Variants in FHOD3 observed in about 807,000 individuals in gnomAD.
FHOD3 encodes formin homology 2 domain containing 3, also known as FH1/FH2 domain-containing protein 3.
FHOD3 carries 90 observed loss-of-function variants against 173.0 expected under a neutral mutation model. That is an observed-to-expected ratio of 0.52 (90% CI 0.44 to 0.62). The LOEUF (loss-of-function observed/expected upper bound fraction) is 0.62, where lower values mean the gene tolerates loss of function less well. Among genes scored for constraint, FHOD3 ranks in the 20% least tolerant of loss-of-function variants. The pLI, the probability that FHOD3 is intolerant of heterozygous loss-of-function variation, is 0.00. For synonymous variants in FHOD3, 828 were observed against 823.0 expected, an observed-to-expected ratio of 1.01 and a Z score of -0.10; for missense variants, 1,945 against 2,034.7, an observed-to-expected ratio of 0.96 and a Z score of 0.85.
In FHOD3 at chr18:36,694,748, C is replaced by A. The variant is rs535262977; in HGVS notation, c.2236+1325C>A. ...TAAACTGTGAAGTACAGAACAGCTC[C>A]GAGCTGAGAGGGAATTGACAGTGTC... On this transcript the variant is annotated intron_variant, in intron 17 of 28. Coordinates refer to ENST00000590592, the MANE Select transcript of FHOD3 (RefSeq NM_001281740.3). Among the ~76,000 whole-genome samples the A allele has an allele frequency of 2.0e-5, 3 of 152,140 alleles. No individual in the cohort carries two copies. The South Asian group carries it at 6.2e-4, about 32-fold the overall frequency.
chr18:36,767,605 C>T (rs1040180470), intron 27 of FHOD3, among the ~76,000 whole-genome samples: 2 of 152,184 alleles, frequency 1.3e-5, no homozygotes, highest in East Asian at 3.8e-4. Flanking sequence ...CAGACGTGAG[C>T]CACTGCACCC....
intron 20 of FHOD3, among the ~76,000 whole-genome samples, chr18:36,736,472 A>T (rs2041637448): frequency 6.6e-6 from 1 of 152,176 alleles, no homozygotes; most frequent in Non-Finnish European, 1.5e-5. Context: ...GTGAATACAG[A>T]GGGTTTCATT....
At chr18:36,593,235 G>C (rs1401626367) in intron 6 of FHOD3, among the ~76,000 whole-genome samples, 1 of 152,146 alleles carries the variant, frequency 6.6e-6, no homozygotes. Context: ...TAATCCCAGT[G>C]GTGGTGATGG....
chr18:36,694,070 C>G (rs989307329), intron 17 of FHOD3, among the ~76,000 whole-genome samples: 9 of 152,134 alleles, frequency 5.9e-5, no homozygotes, highest in Admixed American at 1.3e-4. Flanking sequence ...CAGCTGTTTT[C>G]CTGCCTGCTC....
intron 27 of FHOD3, among the ~76,000 whole-genome samples, chr18:36,765,776 T>C (rs1301920926): frequency 6.6e-6 from 1 of 152,036 alleles, no homozygotes; most frequent in Non-Finnish European, 1.5e-5. Context: ...AGAAAATGTA[T>C]AAACAGAAGC....
At chr18:36,478,651 A>C (rs1250304142) in intron 3 of FHOD3, among the ~76,000 whole-genome samples, 1 of 152,186 alleles carries the variant, frequency 6.6e-6, no homozygotes, top group Non-Finnish European at 1.5e-5. Flanking sequence ...TCCACATTGA[A>C]TGTAGCCAGA....
At chr18:36,577,138 T>C (rs1351666923) in intron 6 of FHOD3, among the ~76,000 whole-genome samples, 1 of 151,958 alleles carries the variant, frequency 6.6e-6, no homozygotes, top group Admixed American at 6.6e-5. Context: ...CTGTGAACCA[T>C]CTGTATTTCA....
At chr18:36,586,179 A>C (rs189933192) in intron 6 of FHOD3, among the ~76,000 whole-genome samples, 3 of 152,294 alleles carry the variant, frequency 2.0e-5, no homozygotes, top group Admixed American at 2.0e-4. Flanking sequence ...CATTTTCCCA[A>C]GGCTTAAGTT....
rs182036267 is a variant in FHOD3, at chr18:36,483,998, C to T, written c.338-17934C>T. Among the ~76,000 whole-genome samples the T allele has an allele frequency of 1.2e-4, 18 of 152,286 alleles. No homozygotes were observed. In the East Asian group the frequency reaches 2.7e-3, roughly 23 times the overall value. On this transcript the variant is annotated intron_variant, in intron 3 of 28. Coordinates refer to ENST00000590592, the MANE Select transcript of FHOD3 (RefSeq NM_001281740.3). ...ACCAACTGTGAGTCTGGTAGAAATG[C>T]GGAATCCCAGGCCCTACCCCAGATC...
At chr18:36,311,955 T>C (rs2092268191) in intron 1 of FHOD3, among the ~76,000 whole-genome samples, 2 of 152,218 alleles carry the variant, frequency 1.3e-5, no homozygotes, top group South Asian at 4.2e-4. Context: ...GTCCAGAAAG[T>C]CCCTCTTCCC....
chr18:36,579,512 A>G (rs1309928740), intron 6 of FHOD3, among the ~76,000 whole-genome samples: 1 of 152,176 alleles, frequency 6.6e-6, no homozygotes, highest in African/African-American at 2.4e-5. Context: ...GTGCCTCCCT[A>G]AATTTTTGTG....
At chr18:36,522,261 G>A (rs1385411403) in intron 5 of FHOD3, among the ~76,000 whole-genome samples, 1 of 152,188 alleles carries the variant, frequency 6.6e-6, no homozygotes, top group Non-Finnish European at 1.5e-5. Flanking sequence ...TATCTGCAGA[G>A]AAAGAGAAGT....
Position 36,755,191 on chromosome 18 carries a change from C to T in FHOD3, c.4305C>T (p.Cys1435=). The T allele has an allele frequency of 6.2e-7, 1 of 1,611,878 alleles. No homozygotes were observed. The highest frequency in any genetic ancestry group is 8.5e-7 in the Non-Finnish European group (1 of 1,179,134). ...GGGAAGTGAACATAAACAAATTCTG[C>T]AGGATTATTAGTGAATTTGCACTAG... ...AIREVNINKF[C]RIISEFALEY... Residue 1435 remains cysteine, a synonymous_variant, in exon 25 of 29, where the codon TGC becomes TGT. Coordinates refer to ENST00000590592, the MANE Select transcript of FHOD3 (RefSeq NM_001281740.3).
chr18:36,417,649 C>G (rs2049742165), intron 3 of FHOD3, among the ~76,000 whole-genome samples: 4 of 152,142 alleles, frequency 2.6e-5, no homozygotes, highest in Admixed American at 2.6e-4. Flanking sequence ...TTCATGAGAT[C>G]ATATACCTTA....
rs2051535292 is a variant in FHOD3, at chr18:36,447,162, G to T, written c.338-54770G>T. Among the ~76,000 whole-genome samples the T allele has an allele frequency of 3.9e-5, 6 of 152,206 alleles. No homozygotes were observed. In the South Asian group the frequency reaches 1.2e-3, roughly 32 times the overall value. ...TTCCTCAAACCACAACCTCCAGGAA[G>T]AGTTGAGGGAGGGCCCTAACTGCCT... On this transcript the variant is annotated intron_variant, in intron 3 of 28. Transcript: ENST00000590592.
At chr18:36,635,439 A>G (rs8086052) in intron 10 of FHOD3, among the ~76,000 whole-genome samples, 23,601 of 152,162 alleles carry the variant, frequency 0.16, 2,012 homozygotes, top group African/African-American at 0.21. Context: ...TGGGCACAGC[A>G]TGGGGAACTC....
chr18:36,701,876 G>A (rs999690296), intron 17 of FHOD3, among the ~76,000 whole-genome samples: 3 of 152,112 alleles, frequency 2.0e-5, no homozygotes, highest in Admixed American at 6.5e-5. Flanking sequence ...AAAATTGTTC[G>A]GGTCAAGCAG....
chr18:36,513,737 C>T (rs763997629), intron 5 of FHOD3, among the ~76,000 whole-genome samples: 25 of 151,684 alleles, frequency 1.6e-4, no homozygotes, highest in Non-Finnish European at 3.4e-4. Flanking sequence ...AGAGCCACTG[C>T]AATTAAAAGC....
rs56019218 is a variant in FHOD3, at chr18:36,562,078, G to A, written c.512-14373G>A. On this transcript the variant is annotated intron_variant, in intron 5 of 28. Transcript: ENST00000590592. ...GTTACCCAGGCTGGAGTGCAATGGC[G>A]CAATGTTGGCTCACTGCAACCTCCG... 4.9e-3 allele frequency among the ~76,000 whole-genome samples: 746 copies of A among 151,998 alleles called. 6 individuals carry two copies. The highest frequency in any genetic ancestry group is 0.017 in the African/African-American group (697 of 41,460).
Sources: allele counts gnomAD v4.1 joint callset (sites outside exome capture counted in the v4.1 genomes callset), GRCh38; gene constraint gnomAD v4.1.1; transcripts MANE v1.5; gene names NCBI Gene and HGNC (gene_info 2026-07-23, HGNC 2026-07-21).